Variants in PSMD4 observed in about 807,000 individuals in gnomAD.
PSMD4 encodes 26S proteasome non-ATPase regulatory subunit 4.
Under a neutral mutation model 39.7 loss-of-function variants are expected in PSMD4, and 5 were observed. The ratio of observed to expected loss-of-function variants is 0.13; its 90% CI spans 0.07 to 0.26. The LOEUF is 0.26. Among genes scored for constraint, PSMD4 ranks in the 10% least tolerant of loss-of-function variants. The pLI is 1.00. For missense variants in PSMD4, 272 were observed against 486.1 expected, an observed-to-expected ratio of 0.56 and a Z score of 4.14; for synonymous variants, 143 against 174.6, an observed-to-expected ratio of 0.82 and a Z score of 1.43.
intron 1 of PSMD4, among the ~76,000 whole-genome samples, chr1:151,261,792 A>G (rs1275174790): frequency 2.0e-5 from 3 of 151,710 alleles, no homozygotes; most frequent in African/African-American, 4.9e-5. Context: ...CTGTCTCTAC[A>G]AAAAAAATTT....
In PSMD4 at chr1:151,254,813, G is replaced by A; in HGVS notation, c.26+5G>A. ...GTTGGAAAGCACTATGGTGTGGTGA[G>A]GAGCTACTTCGGGGCAGGAGGGGCA... On this transcript the variant is annotated splice_donor_5th_base_variant and intron_variant, in intron 1 of 9. Transcript: ENST00000368884. 6.5e-7 allele frequency: 1 copy of A among 1,526,944 alleles called. No individual in the cohort carries two copies. The highest frequency in any genetic ancestry group is 8.7e-7 in the Non-Finnish European group (1 of 1,143,624). 94.6% of individuals were successfully genotyped at this position (1,526,944 alleles called of 1,614,324 possible).
At chr1:151,263,758 G>A (rs926041196) in intron 2 of PSMD4, 156 bp from the exon 3 acceptor site, 6 of 449,394 alleles carry the variant, frequency 1.3e-5, no homozygotes, top group African/African-American at 4.1e-5. Flanking sequence ...GTGAACCCGG[G>A]AGGCGGAGCT....
intron 5 of PSMD4, 49 bp downstream of exon 5, chr1:151,265,283 G>C (rs1038330663): frequency 6.3e-7 from 1 of 1,599,600 alleles, no homozygotes; most frequent in Non-Finnish European, 8.6e-7. Flanking sequence ...GTCATAAACA[G>C]AATGGTCCTT....
At chr1:151,264,277 G>A (rs587619028) in intron 3 of PSMD4, among the ~76,000 whole-genome samples, 9 of 151,892 alleles carry the variant, frequency 5.9e-5, no homozygotes, top group African/African-American at 2.2e-4. Context: ...GGCCAGGGGA[G>A]GAGGATTGCT....
At chr1:151,263,550 C>CA (rs1693357883) in intron 2 of PSMD4, among the ~76,000 whole-genome samples, 1 of 151,970 alleles carries the variant, frequency 6.6e-6, no homozygotes, top group African/African-American at 2.4e-5. Context: ...AGACACAGGC[C>CA]AGGTGCGGTG....
chr1:151,256,106 G>C (rs1005590050), intron 1 of PSMD4, among the ~76,000 whole-genome samples: 31 of 151,840 alleles, frequency 2.0e-4, no homozygotes, highest in African/African-American at 7.5e-4. Flanking sequence ...CACTTTGGAA[G>C]GCTGAAGTGG....
chr1:151,264,698 A>C, intron 3 of PSMD4, 134 bp from the exon 4 acceptor site: 1 of 679,554 alleles, frequency 1.5e-6, no homozygotes, highest in Non-Finnish European at 2.6e-6. Context: ...GGGGTGTTAA[A>C]TCTTGTGTGA....
chr1:151,258,085 G>C (rs911228572), intron 1 of PSMD4, among the ~76,000 whole-genome samples: 2 of 151,542 alleles, frequency 1.3e-5, no homozygotes, highest in African/African-American at 4.9e-5. Context: ...GTGCAGTGGC[G>C]CCATCTCGGC....
intron 3 of PSMD4, 51 bp from the exon 4 acceptor site, chr1:151,264,781 A>C: frequency 7.0e-7 from 1 of 1,425,714 alleles, no homozygotes. Flanking sequence ...CAGAGGAAAG[A>C]GCTGAGTGAT....
chr1:151,265,626 C>A lies in PSMD4; in HGVS notation c.654+17C>A, dbSNP rs1268336672. The A allele has an allele frequency of 6.2e-7, 1 of 1,611,066 alleles. No individual in the cohort carries two copies. The highest frequency in any genetic ancestry group is 1.3e-5 in the African/African-American group (1 of 74,946). On this transcript the variant is annotated intron_variant, in intron 6 of 9. Coordinates refer to ENST00000368884, the MANE Select transcript of PSMD4 (RefSeq NM_002810.4). ...CTGGCCTTGGTGAGCAAATGTTGACCCCAGGTAGAGTCCAAAGGTCCCTCT... is the reference window on the plus strand; with the variant it reads ...CTGGCCTTGGTGAGCAAATGTTGACACCAGGTAGAGTCCAAAGGTCCCTCT...
chr1:151,256,172 C>T (rs1412038636), intron 1 of PSMD4, among the ~76,000 whole-genome samples: 5 of 151,066 alleles, frequency 3.3e-5, no homozygotes, highest in Non-Finnish European at 7.4e-5. Flanking sequence ...GGTGAAACCC[C>T]ATCTCTACTA....
chr1:151,265,271 T>G (rs1158233057), intron 5 of PSMD4, 37 bp downstream of exon 5: 9 of 1,603,260 alleles, frequency 5.6e-6, no homozygotes, highest in Middle Eastern at 1.7e-4. Context: ...TGACTTAATT[T>G]GGTCATAAAC....
intron 6 of PSMD4, 125 bp downstream of exon 6, chr1:151,265,734 C>T (rs1693420660): frequency 9.5e-7 from 1 of 1,057,256 alleles, no homozygotes; most frequent in Non-Finnish European, 1.4e-6. Flanking sequence ...TTTTCCAAGA[C>T]CTCCTTTTGC....
At chr1:151,262,422 AG>A in intron 2 of PSMD4, 121 bp downstream of exon 2, 1 of 1,233,332 alleles carries the variant, frequency 8.1e-7, no homozygotes. Flanking sequence ...TGCACTATTT[AG>A]TGTAAATGTC....
intron 1 of PSMD4, among the ~76,000 whole-genome samples, chr1:151,256,120 T>G (rs1186554304): frequency 6.6e-6 from 1 of 151,668 alleles, no homozygotes; most frequent in Non-Finnish European, 1.5e-5. Context: ...GAAGTGGGTG[T>G]ATCACCTGAG....
intron 1 of PSMD4, 51 bp downstream of exon 1, chr1:151,254,859 G>A: frequency 7.1e-7 from 1 of 1,415,112 alleles, no homozygotes; most frequent in Non-Finnish European, 9.3e-7. Flanking sequence ...CCGGGCGCGT[G>A]TAGCGCCAAG....
At chr1:151,266,269 G>GGCACCAATTCTACCCTGCA in intron 7 of PSMD4, 39 bp from the exon 8 acceptor site, 1 of 1,613,352 alleles carries the variant, frequency 6.2e-7, no homozygotes, top group Middle Eastern at 1.7e-4. Context: ...GTGTGGATAT[G>GGCACCAATTCTACCCTGCA]GCACCAATTC....
rs1553308814 is a variant in PSMD4, at chr1:151,256,364, A to AAAT, written c.26+1558_26+1559insTAA. 3.5e-3 allele frequency among the ~76,000 whole-genome samples: 159 copies of AAAT among 45,634 alleles called. 3 individuals are homozygous for AAAT. The highest frequency in any genetic ancestry group is 0.012 in the African/African-American group (102 of 8,262). 29.9% of individuals were successfully genotyped at this position (45,634 alleles called of 152,430 possible). On this transcript the variant is annotated intron_variant, in intron 1 of 9. Coordinates refer to ENST00000368884, the MANE Select transcript of PSMD4 (RefSeq NM_002810.4). Reference sequence around the variant, plus strand: ...CTCTCAAAAAAAAAAAAATAATAATAAAATAAATAAATAAATAAATAAATA... The same window carrying AAAT: ...CTCTCAAAAAAAAAAAAATAATAATAAATAAATAAATAAATAAATAAATAAATA...
chr1:151,255,009 C>A (rs763598444), intron 1 of PSMD4, among the ~76,000 whole-genome samples: 6 of 152,206 alleles, frequency 3.9e-5, no homozygotes, highest in Non-Finnish European at 5.9e-5. Context: ...ACTGTTACCC[C>A]CAGGGGGACG....
Sources: gnomAD v4.1 joint callset for allele counts (sites outside exome capture counted in the v4.1 genomes callset) on GRCh38, gnomAD v4.1.1 for gene constraint, MANE v1.5 for transcripts, NCBI Gene and HGNC (gene_info 2026-07-23, HGNC 2026-07-21) for gene names.